Variants in PPP1R12B observed in about 807,000 individuals in gnomAD.
PPP1R12B encodes myosin phosphatase target subunit 2.
In PPP1R12B, 76 loss-of-function variants were observed where a neutral mutation model predicts 126.1. The ratio of observed to expected loss-of-function variants is 0.60; its 90% CI spans 0.50 to 0.73. PPP1R12B has a LOEUF of 0.73. PPP1R12B is among the 30% of genes least tolerant of loss of function. The pLI is 0.00. For synonymous variants in PPP1R12B, 356 were observed against 434.7 expected (o/e 0.82, Z 2.25); for missense variants, 1,052 against 1,205.1 (o/e 0.87, Z 1.88).
In PPP1R12B at chr1:202,552,911, C is replaced by T. The variant is rs3767402; in HGVS notation, c.2491-5966C>T. ...GGTTTTAATTATGTGCCTTCCTGAA[C>T]TCCTGATAACTTTCAAGTTAAAAGT... On this transcript the variant is annotated intron_variant, in intron 18 of 23. Coordinates refer to ENST00000608999, the MANE Select transcript of PPP1R12B (RefSeq NM_002481.4). Among the ~76,000 whole-genome samples the T allele has an allele frequency of 1.8e-3, 267 of 152,296 alleles. 7 individuals carry two copies. The East Asian group carries it at 0.043, about 25-fold the overall frequency.
chr1:202,564,470 C>G lies in PPP1R12B; in HGVS notation c.2680C>G (p.Gln894Glu). The G allele has an allele frequency of 6.2e-7, 1 of 1,612,084 alleles. No homozygotes were observed. The highest frequency in any genetic ancestry group is 1.1e-5 in the South Asian group (1 of 91,018). Residue 894 changes from glutamine to glutamate, a missense_variant, in exon 21 of 24, where the codon CAA (glutamine) becomes GAA (glutamate). By Grantham distance (29) the Gln-to-Glu change is conservative (BLOSUM62 2). Coordinates refer to ENST00000608999, the MANE Select transcript of PPP1R12B (RefSeq NM_002481.4). ...KLYESALTENQKLKTKLQEAQ... is the reference protein window; with the variant it reads ...KLYESALTENEKLKTKLQEAQ... ...CTATGAGAGTGCTCTGACTGAAAAC[C>G]AAAAACTGAAAACAAAACTTCAGGA...
intron 1 of PPP1R12B, among the ~76,000 whole-genome samples, chr1:202,382,174 C>T (rs1224385282): frequency 4.1e-5 from 6 of 147,460 alleles, no homozygotes; most frequent in Non-Finnish European, 8.9e-5. Flanking sequence ...GTGGCAAGGA[C>T]AAAAAACCAA....
rs141119788 is a variant in PPP1R12B, at chr1:202,506,079, A to T, written c.2490+9257A>T. Among the ~76,000 whole-genome samples the T allele has an allele frequency of 4.7e-4, 71 of 152,308 alleles. No homozygotes were observed. The East Asian group carries it at 0.014, about 29-fold the overall frequency. ...TCCTGGATTTCTGCAATTGATGACG[A>T]TGCGCAGTCCCAGGGAAAAAGATAG... On this transcript the variant is annotated intron_variant, in intron 18 of 23. Coordinates refer to ENST00000608999, the MANE Select transcript of PPP1R12B (RefSeq NM_002481.4).
intron 2 of PPP1R12B, 75 bp from the exon 3 acceptor site, chr1:202,422,545 A>G (rs959569691): frequency 7.3e-7 from 1 of 1,367,744 alleles, no homozygotes; most frequent in Non-Finnish European, 1.0e-6. Context: ...TTCGCTGTGT[A>G]TTGAATGCCA....
chr1:202,576,258 T>A (rs1689080679), intron 23 of PPP1R12B: 1 of 152,242 alleles, frequency 6.6e-6, no homozygotes, highest in Non-Finnish European at 1.5e-5. Context: ...TCCCTAGCTA[T>A]GGATCTGAAA....
intron 11 of PPP1R12B, among the ~76,000 whole-genome samples, chr1:202,441,391 A>G (rs527844368): frequency 6.2e-4 from 95 of 152,156 alleles, no homozygotes; most frequent in African/African-American, 2.1e-3. Context: ...CAAACTCCAG[A>G]CCTCGAGTGG....
chr1:202,586,923 G>T lies in PPP1R12B; in HGVS notation c.*6363G>T, dbSNP rs1426835130. 1 of 152,214 alleles carries T rather than the reference G, an allele frequency of 6.6e-6. No individual in the cohort carries two copies. The highest frequency in any genetic ancestry group is 2.4e-5 in the African/African-American group (1 of 41,448). 9.4% of individuals were successfully genotyped at this position (152,214 alleles called of 1,614,324 possible). A position where few individuals can be genotyped will look rare whatever the true frequency, so the allele number is the denominator to read the frequency against. ...GTTCACATGCACATTTGCTAGCCCA[G>T]AGCTTTTAAAATGAGGTCTGGCATA... is the stretch of plus-strand genomic sequence containing the variant. On this transcript the variant is annotated 3_prime_UTR_variant, in exon 24 of 24. Coordinates refer to ENST00000608999, the MANE Select transcript of PPP1R12B (RefSeq NM_002481.4).
intron 10 of PPP1R12B, chr1:202,439,168 G>C: frequency 6.3e-7 from 1 of 1,576,944 alleles, no homozygotes; most frequent in South Asian, 1.1e-5. Context: ...ACAACCTGGC[G>C]GCCTCGCAGC....
Position 202,368,262 on chromosome 1 carries a change from C to T in PPP1R12B, c.291+19120C>T, listed in dbSNP as rs140688129. 2.3e-3 allele frequency among the ~76,000 whole-genome samples: 343 copies of T among 152,172 alleles called. 1 individual carries two copies. The highest frequency in any genetic ancestry group is 7.7e-3 in the African/African-American group (320 of 41,524). The stretch of plus-strand genomic sequence containing the variant: ...CTGGGATTACAGGTGTGAGCCACTG[C>T]GCCCGGCCAAGATCTGGTCATTTAA... On this transcript the variant is annotated intron_variant, in intron 1 of 23. Coordinates refer to ENST00000608999, the MANE Select transcript of PPP1R12B (RefSeq NM_002481.4).
intron 18 of PPP1R12B, among the ~76,000 whole-genome samples, chr1:202,548,807 TCTATA>T (rs1207043109): frequency 1.8e-5 from 1 of 55,928 alleles, no homozygotes; most frequent in East Asian, 8.5e-4. Context: ...TCTCTCTCTC[TCTATA>T]TATATATATA....
intron 9 of PPP1R12B, among the ~76,000 whole-genome samples, chr1:202,435,392 A>T (rs1157409503): frequency 4.6e-5 from 7 of 152,216 alleles, no homozygotes. Flanking sequence ...AGATGCCTAC[A>T]TGTAAAGTGT....
At position 202,446,213 on chromosome 1, in the gene PPP1R12B, ACTCTCTCT is replaced by A. The variant is rs3077313; in HGVS notation, c.1668-2759_1668-2752del. ...GAGGTTATTATTACTATATTATATT[ACTCTCTCT>A]CTCTCTCTCTCTCTCTATATATATA... On this transcript the variant is annotated intron_variant, in intron 12 of 23. Transcript: ENST00000608999. 6.7e-3 allele frequency among the ~76,000 whole-genome samples: 433 copies of A among 64,526 alleles called. 8 individuals carry two copies. The highest frequency in any genetic ancestry group is 0.021 in the African/African-American group (384 of 18,238). The allele number at this position is 64,526 out of a possible 152,430, so 42.3% of individuals were successfully genotyped here. A position where few individuals can be genotyped will look rare whatever the true frequency, so the allele number is the denominator to read the frequency against.
chr1:202,432,759 A>G (rs1670343976), intron 8 of PPP1R12B, among the ~76,000 whole-genome samples: 1 of 152,228 alleles, frequency 6.6e-6, no homozygotes, highest in Non-Finnish European at 1.5e-5. Flanking sequence ...ACTGGAGTCC[A>G]TGATGAGATG....
At chr1:202,368,137 T>C (rs1659598112) in intron 1 of PPP1R12B, among the ~76,000 whole-genome samples, 1 of 151,984 alleles carries the variant, frequency 6.6e-6, no homozygotes, top group South Asian at 2.1e-4. Context: ...ACCCGGCTAA[T>C]TTTTTGTATT....
At chr1:202,486,497 AC>A (rs952166378) in intron 13 of PPP1R12B, among the ~76,000 whole-genome samples, 1 of 152,188 alleles carries the variant, frequency 6.6e-6, no homozygotes, top group Non-Finnish European at 1.5e-5. Flanking sequence ...AAAGAAATGA[AC>A]CCTTTATTTA....
intron 18 of PPP1R12B, among the ~76,000 whole-genome samples, chr1:202,504,045 A>G (rs1307385657): frequency 6.6e-6 from 1 of 152,166 alleles, no homozygotes; most frequent in Non-Finnish European, 1.5e-5. Flanking sequence ...CTCCTTTGCC[A>G]AATTTTCTTC....
chr1:202,442,093 C>T (rs1033225356), intron 11 of PPP1R12B, among the ~76,000 whole-genome samples: 1 of 152,148 alleles, frequency 6.6e-6, no homozygotes, highest in Non-Finnish European at 1.5e-5. Flanking sequence ...AAGTGGTCTG[C>T]CTGCCTCAGC....
At chr1:202,378,305 T>C (rs1661610188) in intron 1 of PPP1R12B, among the ~76,000 whole-genome samples, 1 of 150,588 alleles carries the variant, frequency 6.6e-6, no homozygotes, top group Non-Finnish European at 1.5e-5. Flanking sequence ...AAAAGAACTT[T>C]CTTTCAGTCT....
chr1:202,471,468 T>C (rs1040514376), intron 13 of PPP1R12B, among the ~76,000 whole-genome samples: 5 of 152,050 alleles, frequency 3.3e-5, no homozygotes, highest in African/African-American at 1.2e-4. Context: ...TCCGGGTCTA[T>C]AGGGTAAGTG....
Sources: allele counts gnomAD v4.1 joint callset (sites outside exome capture counted in the v4.1 genomes callset), GRCh38; gene constraint gnomAD v4.1.1; transcripts MANE v1.5; gene names NCBI Gene and HGNC (gene_info 2026-07-23, HGNC 2026-07-21).